Variants in GTF2A2 observed in about 807,000 individuals in gnomAD.
GTF2A2 encodes the protein transcription initiation factor IIA subunit 2.
GTF2A2 carries 9 observed loss-of-function variants against 14.3 expected under a neutral mutation model. That is an observed-to-expected ratio of 0.63 (90% confidence interval 0.38 to 1.10). The LOEUF (loss-of-function observed/expected upper bound fraction) is 1.10. Ranked by LOEUF, GTF2A2 falls within the 50% of genes least tolerant of loss-of-function variation. GTF2A2 has a pLI of 0.01. For synonymous variants in GTF2A2, 56 were observed against 46.0 expected (o/e 1.22, Z -0.88); for missense variants, 90 against 124.6 (o/e 0.72, Z 1.32).
At chr15:59,640,415 G>A (rs1408238283) in intron 4 of GTF2A2, among the ~76,000 whole-genome samples, 1 of 152,084 alleles carries the variant, frequency 6.6e-6, no homozygotes, top group East Asian at 1.9e-4. Context: ...TGGTTCAAAT[G>A]TATGGTTCAA....
intron 4 of GTF2A2, among the ~76,000 whole-genome samples, chr15:59,641,277 TA>T (rs1891416634): frequency 6.6e-6 from 1 of 151,648 alleles, no homozygotes; most frequent in African/African-American, 2.4e-5. Context: ...AAAAAAGTTA[TA>T]ACACCATCAG....
intron 3 of GTF2A2, among the ~76,000 whole-genome samples, chr15:59,645,982 C>A (rs1043637649): frequency 2.0e-5 from 3 of 148,048 alleles, no homozygotes; most frequent in Non-Finnish European, 4.4e-5. Context: ...CACAGTGAGG[C>A]GAGATCACAC....
intron 4 of GTF2A2, among the ~76,000 whole-genome samples, chr15:59,639,617 C>T (rs1250763972): frequency 6.6e-6 from 1 of 151,214 alleles, no homozygotes; most frequent in Non-Finnish European, 1.5e-5. Context: ...TGCCCGCCAC[C>T]TCGCCCAGCT....
chr15:59,643,828 C>T (rs1364987319), intron 3 of GTF2A2, among the ~76,000 whole-genome samples: 1 of 151,810 alleles, frequency 6.6e-6, no homozygotes, highest in Non-Finnish European at 1.5e-5. Context: ...AAACTCCTGA[C>T]CTCAGGTGAT....
intron 4 of GTF2A2, among the ~76,000 whole-genome samples, chr15:59,639,819 C>T (rs1459757957): frequency 6.6e-6 from 1 of 151,970 alleles, no homozygotes; most frequent in Non-Finnish European, 1.5e-5. Flanking sequence ...AGCGCAATCT[C>T]AGCTCACTGC....
chr15:59,652,126 C>A, intron 2 of GTF2A2, 80 bp downstream of exon 2: 1 of 802,674 alleles, frequency 1.2e-6, no homozygotes, highest in Non-Finnish European at 2.1e-6. Flanking sequence ...TACCTCATAT[C>A]TCTTTGCCTA....
chr15:59,654,730 G>A (rs141216238), intron 1 of GTF2A2, among the ~76,000 whole-genome samples: 267 of 152,282 alleles, frequency 1.8e-3, no homozygotes, highest in Non-Finnish European at 3.1e-3. Flanking sequence ...ACACTTCACT[G>A]AGGAAACTGC....
intron 1 of GTF2A2, among the ~76,000 whole-genome samples, chr15:59,656,586 C>CAA (rs139153225): frequency 6.7e-6 from 1 of 149,734 alleles, no homozygotes; most frequent in African/African-American, 2.4e-5. Context: ...CAATAGGAGC[C>CAA]AAAAAAAAAT....
chr15:59,639,178 T>TAA (rs1323992508), intron 4 of GTF2A2, 21 bp from the exon 5 acceptor site: 2 of 1,213,816 alleles, frequency 1.6e-6, no homozygotes, highest in Non-Finnish European at 1.1e-6. Flanking sequence ...AAAGAGAAAG[T>TAA]AAAGTAAAGT....
rs1319578126 is a variant in GTF2A2, at chr15:59,647,749, T to C, written c.177+2920A>G. On this transcript the variant is annotated intron_variant, in intron 3 of 4. Transcript: ENST00000396060. Reference sequence around the variant, plus strand: ...ATGCACCACCATGCCCAGCTCATTTTAGTAAAGATGAGGTTTCACTGTGTT... The same window carrying C: ...ATGCACCACCATGCCCAGCTCATTTCAGTAAAGATGAGGTTTCACTGTGTT... Among the ~76,000 whole-genome samples, 40 of 152,128 alleles carry C rather than the reference T, an allele frequency of 2.6e-4. 1 individual carries two copies. Among genetic ancestry groups the C allele is most frequent in the Admixed American group, 2.2e-3 (34 of 15,276 alleles).
At chr15:59,639,453 T>G (rs1297563402) in intron 4 of GTF2A2, among the ~76,000 whole-genome samples, 1 of 137,076 alleles carries the variant, frequency 7.3e-6, no homozygotes, top group Non-Finnish European at 1.5e-5. Context: ...CCAGGTCCTT[T>G]ACTGTCCCAA....
chr15:59,655,738 A>G (rs1341553343), intron 1 of GTF2A2, among the ~76,000 whole-genome samples: 3 of 152,080 alleles, frequency 2.0e-5, no homozygotes, highest in African/African-American at 7.2e-5. Context: ...CTAGCTGCCT[A>G]CTCAACATCT....
chr15:59,651,567 A>G (rs897311812), intron 2 of GTF2A2: 1 of 152,248 alleles, frequency 6.6e-6, no homozygotes, highest in African/African-American at 2.4e-5. Context: ...TGTAAATCTC[A>G]GAAGACTTAA....
chr15:59,643,463 C>T (rs1228745524), intron 3 of GTF2A2, among the ~76,000 whole-genome samples: 3 of 151,874 alleles, frequency 2.0e-5, no homozygotes, highest in South Asian at 4.2e-4. Flanking sequence ...GCAATCCTCC[C>T]GCCTCAGCCT....
chr15:59,650,547 T>A (rs1040332770), intron 3 of GTF2A2, 122 bp downstream of exon 3: 2 of 572,214 alleles, frequency 3.5e-6, no homozygotes, highest in African/African-American at 3.7e-5. Context: ...TAAAACAAGT[T>A]CCAAAAATTG....
intron 4 of GTF2A2, chr15:59,640,255 C>G (rs989686408): frequency 6.6e-6 from 1 of 152,092 alleles, no homozygotes; most frequent in Non-Finnish European, 1.5e-5. Flanking sequence ...GGAAAACAAT[C>G]TTGTATAGTA....
intron 4 of GTF2A2, chr15:59,640,048 G>C (rs989738670): frequency 1.6e-4 from 24 of 152,386 alleles, no homozygotes; most frequent in African/African-American, 5.8e-4. Context: ...ACTGCACCTG[G>C]CCTACTGTCC....
In GTF2A2 at chr15:59,639,125, T is replaced by TTTCTATTCA. The variant is rs1566921831; in HGVS notation, c.328_*6dup. 7.0e-7 allele frequency: 1 copy of TTTCTATTCA among 1,428,830 alleles called. No individual in the cohort carries two copies. Among genetic ancestry groups the TTTCTATTCA allele is most frequent in the African/African-American group, 1.4e-5 (1 of 70,708 alleles). 88.5% of individuals were successfully genotyped at this position (1,428,830 alleles called of 1,614,324 possible). On this transcript the variant is annotated 3_prime_UTR_variant, in exon 5 of 5. Coordinates refer to ENST00000396060, the MANE Select transcript of GTF2A2 (RefSeq NM_004492.3). ...AAGATGGTGTAAAAAAGTCATATTT[T>TTTCTATTCA]TTCTATTCATTCTGTAGTATTGGAG...
chr15:59,644,132 TG>T (rs1309441345), intron 3 of GTF2A2, among the ~76,000 whole-genome samples: 3 of 152,124 alleles, frequency 2.0e-5, no homozygotes, highest in African/African-American at 7.2e-5. Flanking sequence ...TGACCTCAGG[TG>T]ATCTGCCCAC....
Sources: gnomAD v4.1 joint callset for allele counts (sites outside exome capture counted in the v4.1 genomes callset) on GRCh38, gnomAD v4.1.1 for gene constraint, MANE v1.5 for transcripts, NCBI Gene and HGNC (gene_info 2026-07-23, HGNC 2026-07-21) for gene names.